The following TIGD6 variants were observed in gnomAD, a reference collection of about 807,000 sequenced individuals.
The protein encoded by TIGD6 is tigger transposable element derived 6, also known as tigger transposable element-derived protein 6.
Under a neutral mutation model 2.6 loss-of-function variants are expected in TIGD6, and 1 was observed. That is an observed-to-expected ratio of 0.39 (90% confidence interval 0.14 to 1.85). The LOEUF is 1.85. Ranked by LOEUF, TIGD6 falls within the 40% of genes most tolerant of loss-of-function variation. The probability of loss-of-function intolerance (pLI) is 0.32; values close to 1 mark genes in which losing one functional copy is unlikely to be tolerated. For synonymous variants in TIGD6, 193 were observed against 221.9 expected, an observed-to-expected ratio of 0.87 and a Z score of 1.16; for missense variants, 601 against 634.2, an observed-to-expected ratio of 0.95 and a Z score of 0.56.
At position 149,994,917 on chromosome 5, in the gene TIGD6, G is replaced by A. The variant is rs1186510601; in HGVS notation, c.1432C>T (p.Gln478Ter). The A allele has an allele frequency of 6.2e-7, 1 of 1,612,704 alleles. No homozygotes were observed. Among genetic ancestry groups the A allele is most frequent in the Non-Finnish European group, 8.5e-7 (1 of 1,178,930 alleles). The change falls in exon 2 of 2, where the codon CAG (glutamine) becomes TAG (stop). Residue 478 changes from glutamine (Q) to a stop codon, truncating the protein, a stop_gained. Transcript: ENST00000296736. LOFTEE classifies it high-confidence loss of function. Reference protein sequence around the residue: ...EAISSVQKLRQFLSTCVDIPD... With the variant: ...EAISSVQKLR ...ATGTCTACACAAGTGGAAAGGAACTGTCTAAGTTTCTGTACACTTGATATG... is the reference window on the plus strand; with the variant it reads ...ATGTCTACACAAGTGGAAAGGAACTATCTAAGTTTCTGTACACTTGATATG...
intron 1 of TIGD6, among the ~76,000 whole-genome samples, chr5:149,997,981 A>G (rs1156547007): frequency 2.7e-5 from 4 of 149,936 alleles, no homozygotes; most frequent in Non-Finnish European, 5.9e-5. Context: ...AAATAAATAA[A>G]TAACTGGGTG....
chr5:149,997,636 T>C (rs958891606), intron 1 of TIGD6, among the ~76,000 whole-genome samples: 1 of 151,524 alleles, frequency 6.6e-6, no homozygotes, highest in Non-Finnish European at 1.5e-5. Context: ...TCCAAGTATA[T>C]GACAAAGGTG....
rs756890740 is a variant in TIGD6, at chr5:149,995,731, T to C, written c.618A>G (p.Ala206=). The change falls in exon 2 of 2, where the codon GCA becomes GCG. Residue 206 remains alanine, a synonymous_variant. Coordinates refer to ENST00000296736, the MANE Select transcript of TIGD6 (RefSeq NM_030953.4). ...KGDHCRGGKK[A]KQRLTALFCC... ...AAAAGAGTGCTGTCAACCGCTGCTT[T>C]GCTTTCTTGCCCCCTCTACAGTGGT... is the stretch of plus-strand genomic sequence containing the variant. 6.2e-7 allele frequency: 1 copy of C among 1,614,258 alleles called. No individual in the cohort carries two copies. The highest frequency in any genetic ancestry group is 1.7e-5 in the Admixed American group (1 of 60,020).
At position 149,996,162 on chromosome 5, in the gene TIGD6, C is replaced by T. The variant is rs748872411; in HGVS notation, c.187G>A (p.Val63Met). The change falls in exon 2 of 2, where the codon GTG becomes ATG. Residue 63 changes from valine to methionine, a missense_variant. Coordinates refer to ENST00000296736, the MANE Select transcript of TIGD6 (RefSeq NM_030953.4). ...KFEEKVREAS[V>M]GPQRKRMRSA... is the part of the protein sequence containing the mutation. ...CTCATCCTTTTCCGCTGGGGTCCCA[C>T]GGATGCCTCCCGCACCTTTTCTTCA... The T allele has an allele frequency of 1.1e-5, 18 of 1,614,052 alleles. No homozygotes were observed. The highest frequency in any genetic ancestry group is 5.3e-5 in the African/African-American group (4 of 74,914).
intron 1 of TIGD6, among the ~76,000 whole-genome samples, chr5:149,997,827 G>A (rs183444929): frequency 0.016 from 2,405 of 152,174 alleles, 58 homozygotes; most frequent in African/African-American, 0.056. Flanking sequence ...CGGGCGTGGT[G>A]GCGGGCGCCT....
At position 149,998,248 on chromosome 5, in the gene TIGD6, T is replaced by C. The variant is rs534097655; in HGVS notation, c.-81-1819A>G. Among the ~76,000 whole-genome samples, 5 of 152,300 alleles carry C rather than the reference T, an allele frequency of 3.3e-5. No homozygotes were observed. In the South Asian group the frequency reaches 6.2e-4, roughly 19 times the overall value. ...CTTTGGCTGTTCTGTGGAAAATGGA[T>C]CAAAGAGGCAAAGAGACCAATTAGG... is the stretch of plus-strand genomic sequence containing the variant. On this transcript the variant is annotated intron_variant, in intron 1 of 1. Transcript: ENST00000296736.
Position 150,000,574 on chromosome 5 carries a change from GTCCGTTCGC to G in TIGD6, c.-191_-183del, listed in dbSNP as rs1325089941. The stretch of plus-strand genomic sequence containing the variant: ...CGCCCGGGACCTCTGGCCGGAAGCA[GTCCGTTCGC>G]CTTACTAGACCCGCTCCAAGCCTTT... On this transcript the variant is annotated 5_prime_UTR_variant, in exon 1 of 2. Coordinates refer to ENST00000296736, the MANE Select transcript of TIGD6 (RefSeq NM_030953.4). 1 of 154,648 alleles carries G rather than the reference GTCCGTTCGC, an allele frequency of 6.5e-6. No homozygotes were observed. Among genetic ancestry groups the G allele is most frequent in the Non-Finnish European group, 1.5e-5 (1 of 68,440 alleles). 9.6% of individuals were successfully genotyped at this position (154,648 alleles called of 1,614,324 possible). A position where few individuals can be genotyped will look rare whatever the true frequency, so the allele number is the denominator to read the frequency against.
intron 1 of TIGD6, among the ~76,000 whole-genome samples, chr5:149,996,984 A>C (rs1428362798): frequency 6.6e-6 from 1 of 152,224 alleles, no homozygotes; most frequent in Non-Finnish European, 1.5e-5. Flanking sequence ...TTATATTTAC[A>C]GGTGCCAAGC....
chr5:149,999,328 T>A (rs1755479233), intron 1 of TIGD6, among the ~76,000 whole-genome samples: 1 of 152,320 alleles, frequency 6.6e-6, no homozygotes, highest in East Asian at 1.9e-4. Context: ...CAGTAGGCCA[T>A]ATACAGTTTG....
At chr5:149,998,061 C>T (rs564524114) in intron 1 of TIGD6, among the ~76,000 whole-genome samples, 2 of 152,290 alleles carry the variant, frequency 1.3e-5, no homozygotes, top group African/African-American at 4.8e-5. Context: ...ACCCAGGAGG[C>T]GGAGGTTGCA....
rs1371455231 is a variant in TIGD6, at chr5:149,993,944, GAACA to G, written c.*835_*838del. ...AAAACAAACAAACAAACAAACGAAC[GAACA>G]AACAGAAGTCTTGTAGTGCTTCCAG... On this transcript the variant is annotated 3_prime_UTR_variant, in exon 2 of 2. Coordinates refer to ENST00000296736, the MANE Select transcript of TIGD6 (RefSeq NM_030953.4). The G allele has an allele frequency of 1.3e-5, 2 of 148,528 alleles. No homozygotes were observed. The highest frequency in any genetic ancestry group is 6.6e-5 in the Admixed American group (1 of 15,160). The allele number at this position is 148,528 out of a possible 1,614,324, so 9.2% of individuals were successfully genotyped here. A position where few individuals can be genotyped will look rare whatever the true frequency, so the allele number is the denominator to read the frequency against.
In TIGD6 at chr5:149,993,596, AGATGGGG is replaced by A. The variant is rs1363163916; in HGVS notation, c.*1180_*1186del. On this transcript the variant is annotated 3_prime_UTR_variant, in exon 2 of 2. Coordinates refer to ENST00000296736, the MANE Select transcript of TIGD6 (RefSeq NM_030953.4). ...GTCTTATTAATTTTTTTTTTTTTAG[AGATGGGG>A]GTCTCGCTGTGTTGGCCAGTCTGGT... 2 of 150,532 alleles carry A rather than the reference AGATGGGG, an allele frequency of 1.3e-5. No homozygotes were observed. Among genetic ancestry groups the A allele is most frequent in the African/African-American group, 4.9e-5 (2 of 40,870 alleles). 9.3% of individuals were successfully genotyped at this position (150,532 alleles called of 1,614,324 possible). A position where few individuals can be genotyped will look rare whatever the true frequency, so the allele number is the denominator to read the frequency against.
In TIGD6 at chr5:149,996,050, A is replaced by G. The variant is rs1755377921; in HGVS notation, c.299T>C (p.Val100Ala). 3 of 1,613,118 alleles carry G rather than the reference A, an allele frequency of 1.9e-6. No homozygotes were observed. The East Asian group carries it at 6.7e-5, about 36-fold the overall frequency. Residue 100 changes from valine to alanine, a missense_variant, in exon 2 of 2, where the codon GTC (valine) becomes GCC (alanine). Val to Ala is a moderately conservative substitution (Grantham distance 64). Transcript: ENST00000296736. Reference protein sequence around the residue: ...HAKNILVTGSVIRKKALNLAN... With the variant: ...HAKNILVTGSAIRKKALNLAN... ...CAAGTTTAGTGCTTTTTTCCGAATGACAGAACCAGTCACAAGAATGTTTTT... is the reference window on the plus strand; with the variant it reads ...CAAGTTTAGTGCTTTTTTCCGAATGGCAGAACCAGTCACAAGAATGTTTTT...
chr5:149,995,225 G>A lies in TIGD6; in HGVS notation c.1124C>T (p.Ala375Val). ...TGCAAATTCCATAGGGACGATGCCT[G>A]CCTTCTGCCAACATTTCACCACTGT... is the stretch of plus-strand genomic sequence containing the variant. ...PSTVVKCWQK[A>V]GIVPMEFAEC... The change falls in exon 2 of 2, where the codon GCA (alanine) becomes GTA (valine). Residue 375 changes from alanine to valine, a missense_variant. Physicochemically the swap from Ala to Val is moderately conservative, Grantham distance 64. Coordinates refer to ENST00000296736, the MANE Select transcript of TIGD6 (RefSeq NM_030953.4). 6.2e-7 allele frequency: 1 copy of A among 1,614,230 alleles called. No homozygotes were observed. The highest frequency in any genetic ancestry group is 8.5e-7 in the Non-Finnish European group (1 of 1,180,044).
intron 1 of TIGD6, 184 bp downstream of exon 1, chr5:150,000,290 G>C (rs989947873): frequency 1.0e-4 from 16 of 153,986 alleles, no homozygotes; most frequent in Admixed American, 8.5e-4. Context: ...GGCGCTACTT[G>C]ATGCGGCACT....
intron 1 of TIGD6, chr5:150,000,273 T>C (rs1163690979): frequency 1.3e-5 from 2 of 153,778 alleles, no homozygotes; most frequent in Non-Finnish European, 2.9e-5. Flanking sequence ...ATCACTGGAG[T>C]GATGAAGGCG....
chr5:149,996,125 TA>T lies in TIGD6; in HGVS notation c.223del (p.Tyr75MetfsTer22). The T allele has an allele frequency of 3.1e-6, 5 of 1,613,898 alleles. No individual in the cohort carries two copies. The highest frequency in any genetic ancestry group is 4.2e-6 in the Non-Finnish European group (5 of 1,180,030). On this transcript the variant is annotated frameshift_variant, in exon 2 of 2. Coordinates refer to ENST00000296736, the MANE Select transcript of TIGD6 (RefSeq NM_030953.4). LOFTEE classifies it low-confidence loss of function (END_TRUNC). ...PQRKRMRSAL[Y>X]DDIDKAVFAW... is the part of the protein sequence containing the mutation. ...AAAAACAGCCTTATCAATGTCATCA[TA>T]AAGAGCGCTCCTCATCCTTTTCCGC...
Position 149,996,175 on chromosome 5 carries a change from C to T in TIGD6, c.174G>A (p.Val58=), listed in dbSNP as rs764703157. 2.7e-5 allele frequency: 43 copies of T among 1,614,104 alleles called. No homozygotes were observed. The highest frequency in any genetic ancestry group is 3.6e-5 in the Non-Finnish European group (42 of 1,180,048). The change falls in exon 2 of 2, where the codon GTG becomes GTA. Residue 58 remains valine, a synonymous_variant. Transcript: ENST00000296736. Reference sequence around the variant, plus strand: ...GCTGGGGTCCCACGGATGCCTCCCGCACCTTTTCTTCAAATTTGGTGCGAT... The same window carrying T: ...GCTGGGGTCCCACGGATGCCTCCCGTACCTTTTCTTCAAATTTGGTGCGAT... The part of the protein sequence containing the change: ...LKDRTKFEEK[V]REASVGPQRK...
At chr5:149,998,269 T>C (rs1490669752) in intron 1 of TIGD6, among the ~76,000 whole-genome samples, 1 of 152,188 alleles carries the variant, frequency 6.6e-6, no homozygotes, top group Non-Finnish European at 1.5e-5. Context: ...AAGAGACCAA[T>C]TAGGTGACAG....
Sources: gnomAD v4.1 joint callset for allele counts (sites outside exome capture counted in the v4.1 genomes callset) on GRCh38, gnomAD v4.1.1 for gene constraint, MANE v1.5 for transcripts, NCBI Gene and HGNC (gene_info 2026-07-23, HGNC 2026-07-21) for gene names.